Variants in METTL16 observed in about 807,000 individuals in gnomAD.
METTL16 encodes RNA N(6)-adenosine-methyltransferase METTL16.
METTL16 carries 19 observed loss-of-function variants against 57.9 expected under a neutral mutation model. The ratio of observed to expected loss-of-function variants is 0.33; its 90% CI spans 0.23 to 0.48. METTL16 has a LOEUF of 0.48. Ranked by LOEUF, METTL16 falls within the 20% of genes least tolerant of loss-of-function variation. The pLI is 0.99. For synonymous variants in METTL16, 246 were observed against 255.6 expected (o/e 0.96, Z 0.36); for missense variants, 434 against 691.5 (o/e 0.63, Z 4.18).
intron 6 of METTL16, among the ~76,000 whole-genome samples, chr17:2,447,030 G>T (rs1169060591): frequency 6.7e-6 from 1 of 150,002 alleles, no homozygotes; most frequent in Non-Finnish European, 1.5e-5. Flanking sequence ...GAGCGTCTCT[G>T]CTTGGCCACC....
At chr17:2,432,609 C>T (rs1033187258) in intron 8 of METTL16, among the ~76,000 whole-genome samples, 30 of 151,852 alleles carry the variant, frequency 2.0e-4, no homozygotes, top group South Asian at 6.2e-4. Context: ...TATTTATATC[C>T]GACGCTCACG....
At chr17:2,432,242 G>A (rs1361573378) in intron 8 of METTL16, among the ~76,000 whole-genome samples, 4 of 152,136 alleles carry the variant, frequency 2.6e-5, no homozygotes, top group Non-Finnish European at 5.9e-5. Flanking sequence ...GAGCCACCAC[G>A]CCCAGCTTAA....
intron 7 of METTL16, among the ~76,000 whole-genome samples, chr17:2,438,835 C>G (rs2066927124): frequency 6.6e-6 from 1 of 152,152 alleles, no homozygotes; most frequent in African/African-American, 2.4e-5. Flanking sequence ...GAAAGTCAAC[C>G]AAAGTCTGGG....
chr17:2,419,956 T>A lies in METTL16; in HGVS notation c.*14A>T, dbSNP rs376046674. On this transcript the variant is annotated 3_prime_UTR_variant, in exon 10 of 10. Coordinates refer to ENST00000263092, the MANE Select transcript of METTL16 (RefSeq NM_024086.4). The stretch of plus-strand genomic sequence containing the variant: ...AAGTTACTATCAACACGTTTCCAAC[T>A]GTGCAGGAGGTTTCTAGTTAACTGC... The A allele has an allele frequency of 2.2e-5, 35 of 1,612,874 alleles. No homozygotes were observed. Among genetic ancestry groups the A allele is most frequent in the Non-Finnish European group, 2.9e-5 (34 of 1,179,204 alleles).
chr17:2,476,211 T>C (rs187256109), intron 3 of METTL16, among the ~76,000 whole-genome samples: 72 of 152,320 alleles, frequency 4.7e-4, no homozygotes, highest in African/African-American at 1.7e-3. Flanking sequence ...GTCTTGGACA[T>C]AGCAAGTCTG....
rs760769842 is a variant in METTL16, at chr17:2,473,663, G to A, written c.330C>T (p.Gly110=). Residue 110 remains glycine, a splice_region_variant and synonymous_variant, in exon 4 of 10, where the codon GGC becomes GGT. Coordinates refer to ENST00000263092, the MANE Select transcript of METTL16 (RefSeq NM_024086.4). ...AGGGGTAGATGCAAGATGCCCCCGT[G>A]CCTAATAAAATAAAAATACAAAACA... The part of the protein sequence containing the change: ...KSTLRRGIDI[G]TGASCIYPLL... The A allele has an allele frequency of 3.7e-6, 6 of 1,610,636 alleles. No individual in the cohort carries two copies. The highest frequency in any genetic ancestry group is 1.7e-4 in the Middle Eastern group (1 of 6,044).
At chr17:2,442,559 G>C (rs150420983) in intron 6 of METTL16, among the ~76,000 whole-genome samples, 1 of 151,910 alleles carries the variant, frequency 6.6e-6, no homozygotes, top group Non-Finnish European at 1.5e-5. Flanking sequence ...GGAGAAGAAT[G>C]ATGAAACCAA....
intron 3 of METTL16, chr17:2,475,248 G>C (rs1185211842): frequency 6.6e-6 from 1 of 152,154 alleles, no homozygotes; most frequent in African/African-American, 2.4e-5. Context: ...TACCATTTTT[G>C]CCCGAGGGTA....
chr17:2,511,218 C>CT (rs5818862), intron 1 of METTL16, among the ~76,000 whole-genome samples: 38 of 146,836 alleles, frequency 2.6e-4, no homozygotes, highest in African/African-American at 8.0e-4. Context: ...GAGGCTTTCC[C>CT]TTTTTTTTTT....
At chr17:2,430,892 C>A (rs1402114069) in intron 8 of METTL16, among the ~76,000 whole-genome samples, 6 of 151,882 alleles carry the variant, frequency 4.0e-5, no homozygotes, top group Non-Finnish European at 7.4e-5. Flanking sequence ...ATGGGTTGTA[C>A]CTGTTTGCAG....
At chr17:2,427,031 T>C (rs540626368) in intron 8 of METTL16, among the ~76,000 whole-genome samples, 1 of 150,812 alleles carries the variant, frequency 6.6e-6, no homozygotes, top group African/African-American at 2.4e-5. Context: ...TAATCCCAGC[T>C]GCTCGGAAGA....
At chr17:2,460,630 A>T (rs2151561577) in intron 6 of METTL16, among the ~76,000 whole-genome samples, 1 of 152,312 alleles carries the variant, frequency 6.6e-6, no homozygotes, top group African/African-American at 2.4e-5. Context: ...TCACGCCTGT[A>T]ATCCCAGCAC....
At chr17:2,457,958 C>T (rs895049262) in intron 6 of METTL16, among the ~76,000 whole-genome samples, 1 of 152,098 alleles carries the variant, frequency 6.6e-6, no homozygotes, top group Admixed American at 6.6e-5. Context: ...CAGCTCATGG[C>T]AGCCTCAACC....
intron 6 of METTL16, among the ~76,000 whole-genome samples, chr17:2,462,620 T>C (rs539393506): frequency 1.3e-5 from 2 of 152,130 alleles, no homozygotes; most frequent in African/African-American, 4.8e-5. Flanking sequence ...TTTAAGTGTG[T>C]AGCACCTCCT....
chr17:2,419,465 CACCAT>C lies in METTL16; in HGVS notation c.*500_*504del, dbSNP rs1364361715. The C allele has an allele frequency of 2.1e-5, 7 of 341,302 alleles. No homozygotes were observed. The highest frequency in any genetic ancestry group is 1.1e-3 in the Middle Eastern group (1 of 946). The allele number at this position is 341,302 out of a possible 1,614,324, so 21.1% of individuals were successfully genotyped here. ...TTTCTCTCCCAGATTCCCCACCACC[CACCAT>C]ACAGCTCCCTTTGTGGGATTGATGC... On this transcript the variant is annotated 3_prime_UTR_variant, in exon 10 of 10. Transcript: ENST00000263092.
chr17:2,440,593 G>GA (rs61356067), intron 7 of METTL16, among the ~76,000 whole-genome samples: 4 of 151,492 alleles, frequency 2.6e-5, no homozygotes, highest in Non-Finnish European at 4.4e-5. Flanking sequence ...GTAGATATAT[G>GA]AAAAAAAACC....
intron 2 of METTL16, among the ~76,000 whole-genome samples, chr17:2,493,778 CA>C (rs2067420026): frequency 6.6e-6 from 1 of 151,100 alleles, no homozygotes; most frequent in African/African-American, 2.4e-5. Flanking sequence ...AGACAATCAT[CA>C]ACAACTCCTA....
At position 2,417,085 on chromosome 17, in the gene METTL16, T is replaced by TTTTTTTTTTTTTTTTTTTTTTTTA. The variant is rs869134753; in HGVS notation, c.*2884_*2885insTAAAAAAAAAAAAAAAAAAAAAAA. Reference sequence around the variant, plus strand: ...TTTTTTTTTTTTTTTTTTTTTTTTTTGAGACAGTCCCACTTTGTCGCCCAG... The same window carrying TTTTTTTTTTTTTTTTTTTTTTTTA: ...TTTTTTTTTTTTTTTTTTTTTTTTTTTTTTTTTTTTTTTTTTTTTTTTTAGAGACAGTCCCACTTTGTCGCCCAG... On this transcript the variant is annotated 3_prime_UTR_variant, in exon 10 of 10. Coordinates refer to ENST00000263092, the MANE Select transcript of METTL16 (RefSeq NM_024086.4). The TTTTTTTTTTTTTTTTTTTTTTTTA allele has an allele frequency of 2.2e-5, 3 of 138,356 alleles. No homozygotes were observed. The highest frequency in any genetic ancestry group is 8.6e-5 in the African/African-American group (3 of 34,948). The allele number at this position is 138,356 out of a possible 1,614,324, so 8.6% of individuals were successfully genotyped here. A position where few individuals can be genotyped will look rare whatever the true frequency, so the allele number is the denominator to read the frequency against.
At position 2,458,702 on chromosome 17, in the gene METTL16, A is replaced by G. The variant is rs542756642; in HGVS notation, c.728+5506T>C. ...ACTGCAGCCTGGGTGACAGAGCAAG[A>G]CTCTGACACACACACACATACACAC... On this transcript the variant is annotated intron_variant, in intron 6 of 9. Coordinates refer to ENST00000263092, the MANE Select transcript of METTL16 (RefSeq NM_024086.4). Among the ~76,000 whole-genome samples the G allele has an allele frequency of 2.3e-3, 347 of 152,004 alleles. 2 individuals carry two copies. Among genetic ancestry groups the G allele is most frequent in the African/African-American group, 8.0e-3 (330 of 41,454 alleles).
Sources: allele counts gnomAD v4.1 joint callset (sites outside exome capture counted in the v4.1 genomes callset), GRCh38; gene constraint gnomAD v4.1.1; transcripts MANE v1.5; gene names NCBI Gene and HGNC (gene_info 2026-07-23, HGNC 2026-07-21).